The following RAD50 variants were observed in gnomAD, a reference collection of about 807,000 sequenced individuals.
RAD50 encodes the protein DNA repair protein RAD50.
In RAD50, 132 loss-of-function variants were observed where a neutral mutation model predicts 168.8. That is an observed-to-expected ratio of 0.78 (90% CI 0.68 to 0.90). RAD50 has a LOEUF of 0.90. Among genes scored for constraint, RAD50 ranks in the 40% least tolerant of loss-of-function variants. RAD50 has a pLI of 0.00. For missense variants in RAD50, 1,347 were observed against 1,534.4 expected, an observed-to-expected ratio of 0.88 and a Z score of 2.04; for synonymous variants, 525 against 497.4, an observed-to-expected ratio of 1.06 and a Z score of -0.74.
chr5:132,571,801 A>C (rs1206656303), intron 2 of RAD50, among the ~76,000 whole-genome samples: 2 of 152,226 alleles, frequency 1.3e-5, no homozygotes, highest in African/African-American at 4.8e-5. Context: ...AGATGCAGTA[A>C]AAGGAACTCA....
At chr5:132,596,097 G>C (rs1259349712) in intron 13 of RAD50, among the ~76,000 whole-genome samples, 8 of 151,712 alleles carry the variant, frequency 5.3e-5, no homozygotes, top group Non-Finnish European at 1.0e-4. Flanking sequence ...TCCCAGAAGC[G>C]ATTCCCATGC....
chr5:132,573,763 G>A lies in RAD50; in HGVS notation c.214-2014G>A, dbSNP rs573859224. 9.8e-5 allele frequency among the ~76,000 whole-genome samples: 15 copies of A among 152,356 alleles called. No homozygotes were observed. In the South Asian group the frequency reaches 1.4e-3, roughly 15 times the overall value. On this transcript the variant is annotated intron_variant, in intron 2 of 24. Transcript: ENST00000378823. ...GGGATACAGGCATTGGGCAAATACAGCCATTCCAAATGGGAGAAATTGGCC... is the reference window on the plus strand; with the variant it reads ...GGGATACAGGCATTGGGCAAATACAACCATTCCAAATGGGAGAAATTGGCC...
chr5:132,574,415 C>T (rs768664100), intron 2 of RAD50, among the ~76,000 whole-genome samples: 6 of 152,180 alleles, frequency 3.9e-5, no homozygotes, highest in South Asian at 2.1e-4. Flanking sequence ...GTCCCTAGAC[C>T]GCACACAGCA....
At chr5:132,591,832 G>A (rs780248806) in intron 10 of RAD50, 45 bp from the exon 11 acceptor site, 1 of 1,390,334 alleles carries the variant, frequency 7.2e-7, no homozygotes, top group Non-Finnish European at 1.0e-6. Flanking sequence ...GATATAATGT[G>A]GAGATATAGA....
intron 21 of RAD50, among the ~76,000 whole-genome samples, chr5:132,628,111 T>TTAAG (rs993406047): frequency 4.3e-4 from 66 of 152,222 alleles, no homozygotes; most frequent in African/African-American, 1.6e-3. Flanking sequence ...TTTGTACACT[T>TTAAG]TAAGTTTGAA....
intron 19 of RAD50, among the ~76,000 whole-genome samples, chr5:132,613,068 T>C (rs775406552): frequency 3.3e-5 from 5 of 151,816 alleles, no homozygotes; most frequent in Non-Finnish European, 5.9e-5. Flanking sequence ...CTGTTCAGCA[T>C]GCCACTCTCT....
chr5:132,566,699 C>T (rs1750214884), intron 2 of RAD50, among the ~76,000 whole-genome samples: 1 of 152,244 alleles, frequency 6.6e-6, no homozygotes, highest in African/African-American at 2.4e-5. Context: ...TGGTTCAAAC[C>T]ATTTAGTGCC....
chr5:132,571,219 GAC>G (rs1368142459), intron 2 of RAD50, among the ~76,000 whole-genome samples: 2 of 152,122 alleles, frequency 1.3e-5, no homozygotes, highest in Non-Finnish European at 2.9e-5. Flanking sequence ...ACCAAAATGT[GAC>G]ACAGAGACAC....
chr5:132,576,006 A>G (rs889275480), intron 3 of RAD50, 78 bp downstream of exon 3: 10 of 1,386,128 alleles, frequency 7.2e-6, no homozygotes, highest in Non-Finnish European at 9.8e-6. Context: ...GTTTTCTACT[A>G]TAAGTTTAGG....
Position 132,582,923 on chromosome 5 carries a change from C to G in RAD50, c.756+2857C>G, listed in dbSNP as rs144922078. Among the ~76,000 whole-genome samples, 33 of 152,238 alleles carry G rather than the reference C, an allele frequency of 2.2e-4. No homozygotes were observed. The East Asian group carries it at 5.6e-3, about 26-fold the overall frequency. On this transcript the variant is annotated intron_variant, in intron 5 of 24. Transcript: ENST00000378823. ...ATGTCAAAGAAGGAATTCAGGGGAT[C>G]TGGTGACTGGCTGGATTTAAGGAAT...
intron 21 of RAD50, among the ~76,000 whole-genome samples, chr5:132,632,405 A>G (rs1055575799): frequency 6.6e-6 from 1 of 152,202 alleles, no homozygotes; most frequent in South Asian, 2.1e-4. Context: ...TTCCCTCACA[A>G]TGGCTTTGCA....
intron 21 of RAD50, among the ~76,000 whole-genome samples, chr5:132,626,147 C>T (rs1262366861): frequency 6.6e-6 from 1 of 152,110 alleles, no homozygotes; most frequent in African/African-American, 2.4e-5. Context: ...TGGAATTAGA[C>T]GTGAGCCACC....
intron 24 of RAD50, among the ~76,000 whole-genome samples, chr5:132,641,298 A>G (rs1751715015): frequency 6.6e-6 from 1 of 152,172 alleles, no homozygotes; most frequent in Admixed American, 6.5e-5. Context: ...AAAATTGCAC[A>G]CCTTTTACCA....
intron 19 of RAD50, among the ~76,000 whole-genome samples, chr5:132,612,188 A>G (rs543991401): frequency 2.6e-5 from 4 of 152,236 alleles, no homozygotes; most frequent in African/African-American, 9.6e-5. Flanking sequence ...TCAGCCATAA[A>G]AAGGATACAT....
intron 2 of RAD50, among the ~76,000 whole-genome samples, chr5:132,564,709 A>G (rs1750177932): frequency 6.6e-6 from 1 of 152,234 alleles, no homozygotes; most frequent in South Asian, 2.1e-4. Context: ...TTAATAGCCA[A>G]GACACTGGGG....
intron 11 of RAD50, 103 bp from the exon 12 acceptor site, chr5:132,594,766 T>G: frequency 2.5e-6 from 3 of 1,206,920 alleles, no homozygotes; most frequent in Non-Finnish European, 3.6e-6. Context: ...ACCAAACTCT[T>G]GTCATGATTT....
chr5:132,600,399 A>G (rs1038615967), intron 13 of RAD50, among the ~76,000 whole-genome samples: 4 of 152,210 alleles, frequency 2.6e-5, no homozygotes, highest in Non-Finnish European at 5.9e-5. Flanking sequence ...AGAATATTCT[A>G]GGCAGTGCAA....
intron 3 of RAD50, among the ~76,000 whole-genome samples, chr5:132,577,802 A>ATTTTTTTT (rs923754085): frequency 1.2e-5 from 1 of 84,388 alleles, no homozygotes; most frequent in African/African-American, 5.9e-5. Flanking sequence ...CCCATTTCTG[A>ATTTTTTTT]TTTTTTTTTT....
At chr5:132,633,229 C>T (rs968512618) in intron 21 of RAD50, among the ~76,000 whole-genome samples, 1 of 151,576 alleles carries the variant, frequency 6.6e-6, no homozygotes, top group Non-Finnish European at 1.5e-5. Flanking sequence ...CTCAGCCTCC[C>T]GAGTAGCTGG....
Sources: gnomAD v4.1 joint callset for allele counts (sites outside exome capture counted in the v4.1 genomes callset) on GRCh38, gnomAD v4.1.1 for gene constraint, MANE v1.5 for transcripts, NCBI Gene and HGNC (gene_info 2026-07-23, HGNC 2026-07-21) for gene names.